DRP2: variants seen among roughly 807,000 people sequenced by gnomAD.
DRP2 encodes dystrophin-related protein 2.
Under a neutral mutation model 78.2 loss-of-function variants are expected in DRP2, and 29 were observed. The observed-to-expected ratio is 0.37, with a 90% CI of 0.28 to 0.51. The LOEUF (loss-of-function observed/expected upper bound fraction) is 0.51, where lower values mean the gene tolerates loss of function less well. Among genes scored for constraint, DRP2 ranks in the 20% least tolerant of loss-of-function variants. The probability of loss-of-function intolerance (pLI) is 0.94; values close to 1 mark genes in which losing one functional copy is unlikely to be tolerated. For missense variants in DRP2, 686 were observed against 770.6 expected (o/e 0.89, Z 1.30); for synonymous variants, 290 against 281.9 (o/e 1.03, Z -0.29).
At chrX:101,248,020 C>A in intron 12 of DRP2, 69 bp from the exon 13 acceptor site, 1 of 1,031,400 alleles carries the variant, frequency 9.7e-7, no homozygotes, top group Non-Finnish European at 1.4e-6. Flanking sequence ...GTGGCTTTAT[C>A]TCCTTATTTA....
intron 5 of DRP2, among the ~76,000 whole-genome samples, chrX:101,238,380 G>A (rs999846117): frequency 4.6e-5 from 5 of 109,805 alleles, no homozygotes; most frequent in Admixed American, 9.8e-5. Flanking sequence ...AAAAAAAGCC[G>A]GATACAAAAA....
In DRP2 at chrX:101,239,050, C is replaced by T; in HGVS notation, c.508C>T (p.Leu170=). Residue 170 remains leucine, a synonymous_variant, in exon 6 of 24, where the codon CTG becomes TTG. Transcript: ENST00000395209. The stretch of plus-strand genomic sequence containing the variant: ...TGTGCTGGAGTCAGCTCAGGCCTTC[C>T]TGTCCCAGCACCCATTTGAGGAGTT... ...YSVLESAQAF[L]SQHPFEELEE... The T allele has an allele frequency of 8.3e-7, 1 of 1,211,462 alleles. No homozygotes were observed. The highest frequency in any genetic ancestry group is 1.1e-6 in the Non-Finnish European group (1 of 895,308).
In DRP2 at chrX:101,260,580, C is replaced by A; in HGVS notation, c.2833C>A (p.Arg945=). ...EKLRHAFPSV[R]SSDVTANTLL... ...ACTCCGTCATGCCTTCCCCAGTGTG[C>A]GAAGTTCTGATGTGACTGCCAACAC... Residue 945 remains arginine, a synonymous_variant, in exon 24 of 24, where the codon CGA becomes AGA. Coordinates refer to ENST00000395209, the MANE Select transcript of DRP2 (RefSeq NM_001939.3). 1.2e-5 allele frequency: 14 copies of A among 1,211,173 alleles called. No individual in the cohort carries two copies. The highest frequency in any genetic ancestry group is 1.6e-5 in the Non-Finnish European group (14 of 895,311).
intron 1 of DRP2, among the ~76,000 whole-genome samples, chrX:101,224,191 G>GTTTTTTTTT (rs1167730116): frequency 0.036 from 1,403 of 38,765 alleles, 37 homozygotes; most frequent in East Asian, 0.049. Flanking sequence ...GGTTTTTTTT[G>GTTTTTTTTT]TTTTTTTTTT....
chrX:101,229,065 T>C (rs1922213703), intron 2 of DRP2, among the ~76,000 whole-genome samples: 1 of 112,529 alleles, frequency 8.9e-6, no homozygotes, highest in Non-Finnish European at 1.9e-5. Context: ...CTAAAGTTCA[T>C]AGCTGTTAGT....
chrX:101,258,315 C>T lies in DRP2; in HGVS notation c.2397C>T (p.Leu799=). ...LAHLEDENRI[L]QGELRRLKWQ... ...GTGTCTCTCTCCATGGCAGGATTCT[C>T]CAGGGAGAGCTGAGGCGCCTGAAGT... The change falls in exon 22 of 24, where the codon CTC becomes CTT. Residue 799 remains leucine (L), a synonymous_variant. Coordinates refer to ENST00000395209, the MANE Select transcript of DRP2 (RefSeq NM_001939.3). 1 of 1,175,129 alleles carries T rather than the reference C, an allele frequency of 8.5e-7. No homozygotes were observed. The highest frequency in any genetic ancestry group is 1.9e-5 in the South Asian group (1 of 53,151).
At position 101,261,419 on chromosome X, in the gene DRP2, A is replaced by G. The variant is rs1318964202; in HGVS notation, c.*798A>G. Reference sequence around the variant, plus strand: ...CACTGAGTTGCGAGTTGCTCTGGAAACCTGGCTGAAGCCACCCTTTGCTCC... The same window carrying G: ...CACTGAGTTGCGAGTTGCTCTGGAAGCCTGGCTGAAGCCACCCTTTGCTCC... On this transcript the variant is annotated 3_prime_UTR_variant, in exon 24 of 24. Transcript: ENST00000395209. 1.8e-5 allele frequency: 2 copies of G among 111,097 alleles called. No homozygotes were observed. The highest frequency in any genetic ancestry group is 3.3e-5 in the African/African-American group (1 of 30,487). 9.2% of individuals were successfully genotyped at this position (111,097 alleles called of 1,213,427 possible). A position where few individuals can be genotyped will look rare whatever the true frequency, so the allele number is the denominator to read the frequency against.
chrX:101,223,497 T>TG (rs1342010340), intron 1 of DRP2, among the ~76,000 whole-genome samples: 1 of 112,131 alleles, frequency 8.9e-6, no homozygotes, highest in Non-Finnish European at 1.9e-5. Context: ...ATCATTCTTG[T>TG]GTAGCTATTC....
chrX:101,242,894 C>T lies in DRP2; in HGVS notation c.976-10C>T, dbSNP rs1356531382. The T allele has an allele frequency of 8.3e-7, 1 of 1,208,956 alleles. No individual in the cohort carries two copies. The highest frequency in any genetic ancestry group is 1.7e-5 in the African/African-American group (1 of 57,663). ...ATGAATCTACTGACCTCACCCTGTT[C>T]TTTCCATAGGCGTCAGTTAGTGAGA... On this transcript the variant is annotated splice_polypyrimidine_tract_variant and intron_variant, in intron 8 of 23. Transcript: ENST00000395209.
intron 2 of DRP2, among the ~76,000 whole-genome samples, chrX:101,226,398 T>A (rs897488111): frequency 8.9e-6 from 1 of 112,146 alleles, no homozygotes; most frequent in Non-Finnish European, 1.9e-5. Context: ...CATCTCCAGT[T>A]TATGGGTGCC....
chrX:101,255,411 A>G (rs745621264), intron 20 of DRP2, among the ~76,000 whole-genome samples, 162 bp downstream of exon 20: 1 of 111,254 alleles, frequency 9.0e-6, no homozygotes, highest in Admixed American at 9.5e-5. Flanking sequence ...GTGTTCAGTA[A>G]GAAAGGCAGT....
rs766238702 is a variant in DRP2 at position 101,254,875 on chromosome X, A to T, written c.2131A>T (p.Met711Leu). Residue 711 changes from methionine (M) to leucine (L), a missense_variant, in exon 19 of 24, where the codon ATG (methionine) becomes TTG (leucine). Met to Leu is a conservative substitution (Grantham distance 15). Coordinates refer to ENST00000395209, the MANE Select transcript of DRP2 (RefSeq NM_001939.3). Reference sequence around the variant, plus strand: ...TTCTTCTAGGCCGGCTTCTTCCCCGATGTGGCCACACGCCGACACACACTC... The same window carrying T: ...TTCTTCTAGGCCGGCTTCTTCCCCGTTGTGGCCACACGCCGACACACACTC... Reference protein sequence around the residue: ...DYSETPASSPMWPHADTHSRI... With the variant: ...DYSETPASSPLWPHADTHSRI... The T allele has an allele frequency of 8.3e-7, 1 of 1,211,636 alleles. No individual in the cohort carries two copies. The highest frequency in any genetic ancestry group is 3.0e-5 in the East Asian group (1 of 33,835).
In DRP2 at chrX:101,260,955, C is replaced by T. The variant is rs187674205; in HGVS notation, c.*334C>T. On this transcript the variant is annotated 3_prime_UTR_variant, in exon 24 of 24. Transcript: ENST00000395209. ...AGAGAAGCTGCCTTGCAGAGCTAAG[C>T]GGTACATGTTGGCCCCTCTTCCTTC... is the stretch of plus-strand genomic sequence containing the variant. 68 of 186,913 alleles carry T rather than the reference C, an allele frequency of 3.6e-4. No homozygotes were observed. The highest frequency in any genetic ancestry group is 1.3e-3 in the South Asian group (5 of 3,873). 15.4% of individuals were successfully genotyped at this position (186,913 alleles called of 1,213,427 possible). A position where few individuals can be genotyped will look rare whatever the true frequency, so the allele number is the denominator to read the frequency against.
chrX:101,241,723 G>A lies in DRP2; in HGVS notation c.615G>A (p.Ala205=), dbSNP rs145732887. 1.8e-5 allele frequency: 22 copies of A among 1,209,994 alleles called. No individual in the cohort carries two copies. In the African/African-American group the frequency reaches 2.3e-4, roughly 13 times the overall value. ...TCAGCCGCTTTGTATGGAAGCAGGC[G>A]ACGGTGGCCAGTGAACTGTGGGAGA... ...QNLSRFVWKQ[A]TVASELWEKL... is the part of the protein sequence containing the mutation. The change falls in exon 7 of 24, where the codon GCG becomes GCA. Residue 205 remains alanine (A), a synonymous_variant. Transcript: ENST00000395209.
intron 1 of DRP2, among the ~76,000 whole-genome samples, chrX:101,224,191 G>GTTTTTTTTTTTTTTTTTTTTTTT (rs1167730116): frequency 7.7e-5 from 3 of 38,862 alleles, no homozygotes; most frequent in African/African-American, 1.3e-4. Flanking sequence ...GGTTTTTTTT[G>GTTTTTTTTTTTTTTTTTTTTTTT]TTTTTTTTTT....
At chrX:101,224,191 G>GTTTTGTTTTGTTTTTTTTTTT (rs1922007763) in intron 1 of DRP2, among the ~76,000 whole-genome samples, 4 of 38,866 alleles carry the variant, frequency 1.0e-4, no homozygotes, top group African/African-American at 5.1e-4. Flanking sequence ...GGTTTTTTTT[G>GTTTTGTTTTGTTTTTTTTTTT]TTTTTTTTTT....
At chrX:101,227,632 G>T (rs970982319) in intron 2 of DRP2, among the ~76,000 whole-genome samples, 1 of 111,962 alleles carries the variant, frequency 8.9e-6, no homozygotes, top group African/African-American at 3.2e-5. Flanking sequence ...ATAGTGTTTG[G>T]TGCTTAGCAA....
intron 17 of DRP2, among the ~76,000 whole-genome samples, chrX:101,253,868 C>T (rs369970564): frequency 3.1e-4 from 34 of 111,417 alleles, no homozygotes; most frequent in African/African-American, 1.1e-3. Context: ...ATCTGGTAGA[C>T]TGATAATCCT....
chrX:101,232,308 G>A (rs1228285127), intron 3 of DRP2, among the ~76,000 whole-genome samples: 1 of 111,487 alleles, frequency 9.0e-6, no homozygotes, highest in Non-Finnish European at 1.9e-5. Flanking sequence ...GTGTATGTTG[G>A]TAGGCAGGTA....
Sources: gnomAD v4.1 joint callset for allele counts (sites outside exome capture counted in the v4.1 genomes callset) on GRCh38, gnomAD v4.1.1 for gene constraint, MANE v1.5 for transcripts, NCBI Gene and HGNC (gene_info 2026-07-23, HGNC 2026-07-21) for gene names.